The following APLF variants were observed in gnomAD, a reference collection of about 807,000 sequenced individuals.
APLF encodes aprataxin and PNKP like factor.
In APLF, 61 loss-of-function variants were observed where a neutral mutation model predicts 55.6. The observed-to-expected ratio is 1.10, with a 90% CI of 0.89 to 1.36. The LOEUF (loss-of-function observed/expected upper bound fraction) is 1.36, where lower values mean the gene tolerates loss of function less well. APLF is among the 40% of genes most tolerant of loss of function. The pLI is 0.00. For synonymous variants in APLF, 207 were observed against 214.8 expected (o/e 0.96, Z 0.32); for missense variants, 611 against 602.5 (o/e 1.01, Z -0.15).
intron 9 of APLF, among the ~76,000 whole-genome samples, chr2:68,569,710 C>T (rs539888440): frequency 1.3e-5 from 2 of 152,130 alleles, no homozygotes; most frequent in South Asian, 2.1e-4. Flanking sequence ...AGAACTAGGG[C>T]GGCCATCATG....
Position 68,529,463 on chromosome 2 carries a change from A to T in APLF, c.804+3221A>T, listed in dbSNP as rs1670182599. 3 of 1,129,310 alleles carry T rather than the reference A, an allele frequency of 2.7e-6. No individual in the cohort carries two copies. The highest frequency in any genetic ancestry group is 3.2e-5 in the African/African-American group (2 of 62,224). The allele number at this position is 1,129,310 out of a possible 1,614,324, so 70.0% of individuals were successfully genotyped here. ...ACAAAATACGCTTAGTGAGTTGTCC[A>T]TTTTGAGCGAGTTGTGCACAGACGA... On this transcript the variant is annotated intron_variant, in intron 6 of 9. Transcript: ENST00000303795. This position sits in a 1 kb window ranked among gnomAD's most constrained non-coding sequence, Gnocchi z 4.4.
intron 9 of APLF, among the ~76,000 whole-genome samples, chr2:68,577,128 A>G (rs983595915): frequency 8.5e-5 from 13 of 152,334 alleles, no homozygotes; most frequent in African/African-American, 2.9e-4. Flanking sequence ...TCTTAGACCT[A>G]TAAAACTAAA....
intron 3 of APLF, among the ~76,000 whole-genome samples, chr2:68,510,537 A>C (rs1256034762): frequency 6.6e-6 from 1 of 151,872 alleles, no homozygotes; most frequent in Non-Finnish European, 1.5e-5. Context: ...AGTGTTGGTG[A>C]GGTTGTGAAG....
Position 68,578,277 on chromosome 2 carries a change from T to C in APLF, c.*255T>C. On this transcript the variant is annotated 3_prime_UTR_variant, in exon 10 of 10. Transcript: ENST00000303795. Reference sequence around the variant, plus strand: ...GAAGACAGAGAAGGTAGAGTAAAAATGGATATTTTTTATGTACTTTGTATA... The same window carrying C: ...GAAGACAGAGAAGGTAGAGTAAAAACGGATATTTTTTATGTACTTTGTATA... 1 of 1,197,000 alleles carries C rather than the reference T, an allele frequency of 8.4e-7. No homozygotes were observed. The highest frequency in any genetic ancestry group is 4.4e-5 in the East Asian group (1 of 22,520). The allele number at this position is 1,197,000 out of a possible 1,614,324, so 74.1% of individuals were successfully genotyped here. A position where few individuals can be genotyped will look rare whatever the true frequency, so the allele number is the denominator to read the frequency against.
intron 8 of APLF, among the ~76,000 whole-genome samples, chr2:68,555,752 T>C (rs1378621525): frequency 6.6e-6 from 1 of 152,176 alleles, no homozygotes; most frequent in Non-Finnish European, 1.5e-5. Context: ...ACACTGCTGG[T>C]GGGAATGTAA....
chr2:68,476,476 CAA>C lies in APLF; in HGVS notation c.96+8668_96+8669del, dbSNP rs768968249. ...CCAGCCTGGGCAACAGAGTGAGACT[CAA>C]AAAAAAAAAAAAAAAAAAGTAGGAA... On this transcript the variant is annotated intron_variant, in intron 1 of 9. Coordinates refer to ENST00000303795, the MANE Select transcript of APLF (RefSeq NM_173545.3). Among the ~76,000 whole-genome samples, 279 of 76,474 alleles carry C rather than the reference CAA, an allele frequency of 3.6e-3. 1 individual carries two copies. Among genetic ancestry groups the C allele is most frequent in the African/African-American group, 0.011 (260 of 24,048 alleles). The allele number at this position is 76,474 out of a possible 152,430, so 50.2% of individuals were successfully genotyped here.
chr2:68,517,114 A>G (rs1183093260), intron 5 of APLF, among the ~76,000 whole-genome samples: 1 of 124,888 alleles, frequency 8.0e-6, no homozygotes, highest in Non-Finnish European at 1.6e-5. Flanking sequence ...AATATATAAT[A>G]ATACGTTATT....
In APLF at chr2:68,529,082, C is replaced by A. The variant is rs1025824235; in HGVS notation, c.804+2840C>A. Reference sequence around the variant, plus strand: ...TGAAGGAAGTTGAAGGTTAAACTTGCCTCTGAGACGAGGGATCCTCACGGG... The same window carrying A: ...TGAAGGAAGTTGAAGGTTAAACTTGACTCTGAGACGAGGGATCCTCACGGG... On this transcript the variant is annotated intron_variant, in intron 6 of 9. Transcript: ENST00000303795. This position sits in a 1 kb window ranked among gnomAD's most constrained non-coding sequence, Gnocchi z 4.4. The A allele has an allele frequency of 6.4e-6, 9 of 1,415,344 alleles. No individual in the cohort carries two copies. Among genetic ancestry groups the A allele is most frequent in the Admixed American group, 3.9e-5 (2 of 50,798 alleles). The allele number at this position is 1,415,344 out of a possible 1,614,324, so 87.7% of individuals were successfully genotyped here.
At chr2:68,525,942 G>T (rs760564377) in intron 5 of APLF, 119 bp from the exon 6 acceptor site, 79 of 937,772 alleles carry the variant, frequency 8.4e-5, no homozygotes, top group Middle Eastern at 3.4e-4. Flanking sequence ...TAGAGACCGG[G>T]TTTCACCATG....
intron 7 of APLF, among the ~76,000 whole-genome samples, chr2:68,539,796 T>C (rs1670496644): frequency 6.6e-6 from 1 of 152,186 alleles, no homozygotes; most frequent in African/African-American, 2.4e-5. Flanking sequence ...AACTTCATAC[T>C]TAATGGTGAA....
chr2:68,551,163 C>T lies in APLF; in HGVS notation c.1286+5851C>T, dbSNP rs188982292. Among the ~76,000 whole-genome samples, 17 of 152,148 alleles carry T rather than the reference C, an allele frequency of 1.1e-4. No homozygotes were observed. The East Asian group carries it at 1.9e-3, about 17-fold the overall frequency. On this transcript the variant is annotated intron_variant, in intron 8 of 9. Coordinates refer to ENST00000303795, the MANE Select transcript of APLF (RefSeq NM_173545.3). The stretch of plus-strand genomic sequence containing the variant: ...ATACCTTTTCTTTTATCATTTATGT[C>T]ATGCCATGGACTCTTGCATCCATAG...
intron 5 of APLF, among the ~76,000 whole-genome samples, chr2:68,520,827 G>A (rs949321189): frequency 1.3e-5 from 2 of 151,682 alleles, no homozygotes; most frequent in African/African-American, 4.8e-5. Flanking sequence ...TATGAATTTT[G>A]GGATTGTTTT....
chr2:68,477,937 G>A (rs1179536997), intron 1 of APLF, among the ~76,000 whole-genome samples: 1 of 151,886 alleles, frequency 6.6e-6, no homozygotes, highest in Non-Finnish European at 1.5e-5. Flanking sequence ...CCCTTGACAT[G>A]TGGGATTGTT....
intron 2 of APLF, among the ~76,000 whole-genome samples, chr2:68,491,445 G>A (rs1375415305): frequency 6.6e-6 from 1 of 152,186 alleles, no homozygotes; most frequent in Non-Finnish European, 1.5e-5. Context: ...ACGCTGTGGT[G>A]AGAACTATCT....
rs929526141 is a variant in APLF, at chr2:68,467,675, G to A, written c.-57G>A. 1.6e-6 allele frequency: 2 copies of A among 1,212,482 alleles called. No individual in the cohort carries two copies. The allele number at this position is 1,212,482 out of a possible 1,614,324, so 75.1% of individuals were successfully genotyped here. On this transcript the variant is annotated 5_prime_UTR_variant, in exon 1 of 10. Coordinates refer to ENST00000303795, the MANE Select transcript of APLF (RefSeq NM_173545.3). ...GGCTTGCCCCGCGCGTGTCTGTGGA[G>A]GGCGGAAACAGCGGAGGGGCCAGTC...
intron 2 of APLF, among the ~76,000 whole-genome samples, chr2:68,498,538 T>C (rs1048311815): frequency 6.6e-6 from 1 of 152,236 alleles, no homozygotes; most frequent in Non-Finnish European, 1.5e-5. Flanking sequence ...CTACAAAAAA[T>C]GCTGTAGCTC....
intron 2 of APLF, among the ~76,000 whole-genome samples, chr2:68,493,234 T>C (rs1676425367): frequency 6.6e-6 from 1 of 152,166 alleles, no homozygotes; most frequent in Non-Finnish European, 1.5e-5. Context: ...GACTTATGTA[T>C]GTGGAAATTT....
chr2:68,468,585 A>G lies in APLF; in HGVS notation c.96+758A>G, dbSNP rs1348838753. On this transcript the variant is annotated intron_variant, in intron 1 of 9. Coordinates refer to ENST00000303795, the MANE Select transcript of APLF (RefSeq NM_173545.3). ...TTTGGACACATAATGCCACAAAGCT[A>G]AATATTCTCTACCTTCTTTGGGAGA... Among the ~76,000 whole-genome samples, 3 of 152,240 alleles carry G rather than the reference A, an allele frequency of 2.0e-5. No homozygotes were observed. The East Asian group carries it at 5.8e-4, about 29-fold the overall frequency.
intron 2 of APLF, among the ~76,000 whole-genome samples, chr2:68,494,069 C>T (rs1283268308): frequency 6.7e-6 from 1 of 149,784 alleles, no homozygotes; most frequent in Non-Finnish European, 1.5e-5. Context: ...GACCACACCA[C>T]TGCACTCTAG....
Sources: gnomAD v4.1 joint callset for allele counts (sites outside exome capture counted in the v4.1 genomes callset) on GRCh38, gnomAD v4.1.1 for gene constraint, Gnocchi (gnomAD v3.1) non-coding constraint, MANE v1.5 for transcripts, NCBI Gene and HGNC (gene_info 2026-07-23, HGNC 2026-07-21) for gene names.